The following RASA1 variants were observed in gnomAD, a reference collection of about 807,000 sequenced individuals.
RASA1 encodes the protein ras GTPase-activating protein 1.
A neutral mutation model predicts 132.2 loss-of-function variants in RASA1; 25 were observed. The observed-to-expected ratio is 0.19, with a 90% CI of 0.14 to 0.26. The LOEUF is 0.26. RASA1 is among the 10% of genes least tolerant of loss of function. The pLI, the probability that RASA1 is intolerant of heterozygous loss-of-function variation, is 1.00. For missense variants in RASA1, 964 were observed against 1,299.2 expected, an observed-to-expected ratio of 0.74 and a Z score of 3.97; for synonymous variants, 477 against 449.9, an observed-to-expected ratio of 1.06 and a Z score of -0.76.
Position 87,363,377 on chromosome 5 carries a change from T to G in RASA1, c.1483T>G (p.Phe495Val). ...GKGKRWKNLY[F>V]ILEGSDAQLI... ...AGGAAAACGTTGGAAAAATTTATATTTTATCTTAGAGGGTAGTGATGCCCA... is the reference window on the plus strand; with the variant it reads ...AGGAAAACGTTGGAAAAATTTATATGTTATCTTAGAGGGTAGTGATGCCCA... Residue 495 changes from phenylalanine to valine, a missense_variant, in exon 11 of 25, where the codon TTT becomes GTT. Physicochemically the swap from Phe to Val is conservative, Grantham distance 50. This residue lies in a region of RASA1 where 346 missense variants were observed against 520.1 expected (regional missense o/e 0.67). Transcript: ENST00000274376. 1 of 1,610,820 alleles carries G rather than the reference T, an allele frequency of 6.2e-7. No homozygotes were observed. Among genetic ancestry groups the G allele is most frequent in the Non-Finnish European group, 8.5e-7 (1 of 1,177,752 alleles).
chr5:87,347,420 T>G (rs891670926), intron 7 of RASA1, among the ~76,000 whole-genome samples: 8 of 152,026 alleles, frequency 5.3e-5, no homozygotes, highest in Non-Finnish European at 1.2e-4. Context: ...CTGAATTAAT[T>G]TAAATACCGA....
At chr5:87,295,479 A>G (rs1755078020) in intron 1 of RASA1, among the ~76,000 whole-genome samples, 1 of 150,266 alleles carries the variant, frequency 6.7e-6, no homozygotes, top group Non-Finnish European at 1.5e-5. Context: ...CTCATTTTTG[A>G]GCACACCAGT....
chr5:87,374,172 C>G lies in RASA1; in HGVS notation c.1786C>G (p.Leu596Val). The stretch of plus-strand genomic sequence containing the variant: ...ATTTTTTTTTTTTTAGGTCAGCAGC[C>G]TTGTTTTACATATTGAAGAAGCCCA... ...SNKRLRQVSSLVLHIEEAHKL... is the reference protein window; with the variant it reads ...SNKRLRQVSSVVLHIEEAHKL... The change falls in exon 14 of 25, where the codon CTT becomes GTT. Residue 596 changes from leucine to valine, a missense_variant. Coordinates refer to ENST00000274376, the MANE Select transcript of RASA1 (RefSeq NM_002890.3). The G allele has an allele frequency of 6.6e-7, 1 of 1,508,180 alleles. No homozygotes were observed. 93.4% of individuals were successfully genotyped at this position (1,508,180 alleles called of 1,614,324 possible). A position where few individuals can be genotyped will look rare whatever the true frequency, so the allele number is the denominator to read the frequency against.
intron 1 of RASA1, among the ~76,000 whole-genome samples, chr5:87,280,437 C>T (rs987956815): frequency 2.0e-5 from 3 of 152,182 alleles, no homozygotes; most frequent in African/African-American, 7.2e-5. Context: ...CTCAGCCTCC[C>T]AAGTAGCTAG....
At chr5:87,354,520 T>A (rs1302547252) in intron 9 of RASA1, among the ~76,000 whole-genome samples, 2 of 152,198 alleles carry the variant, frequency 1.3e-5, no homozygotes, top group Non-Finnish European at 2.9e-5. Context: ...GTGTATGTTC[T>A]GACTGCTTCA....
intron 16 of RASA1, 152 bp downstream of exon 16, chr5:87,376,717 G>C (rs548318611): frequency 8.3e-7 from 1 of 1,208,762 alleles, no homozygotes; most frequent in African/African-American, 1.5e-5. Flanking sequence ...TGTAATTTTG[G>C]TAGAAATAAG....
chr5:87,376,904 T>C lies in RASA1; in HGVS notation c.2208T>C (p.His736=), dbSNP rs756153877. The part of the protein sequence containing the change: ...FKELILQKEL[H]VVYALSHVCG... ...AGCTTATACTGCAAAAGGAACTTCA[T>C]GTAGTCTATGCTTTATCACATGTAT... Residue 736 remains histidine, a synonymous_variant, in exon 17 of 25, where the codon CAT becomes CAC. Coordinates refer to ENST00000274376, the MANE Select transcript of RASA1 (RefSeq NM_002890.3). 6.2e-7 allele frequency: 1 copy of C among 1,609,024 alleles called. No individual in the cohort carries two copies. Among genetic ancestry groups the C allele is most frequent in the Middle Eastern group, 1.7e-4 (1 of 6,048 alleles).
intron 1 of RASA1, among the ~76,000 whole-genome samples, chr5:87,277,906 T>G (rs968354434): frequency 6.6e-6 from 1 of 152,130 alleles, no homozygotes; most frequent in Non-Finnish European, 1.5e-5. Flanking sequence ...TATTATAGTG[T>G]GGAAAGATCC....
intron 12 of RASA1, among the ~76,000 whole-genome samples, chr5:87,370,934 A>G (rs779171681): frequency 5.3e-5 from 8 of 152,164 alleles, no homozygotes; most frequent in Non-Finnish European, 1.2e-4. Flanking sequence ...ATCTCATTTA[A>G]TGCTCATTTC....
At chr5:87,352,039 A>C (rs554345329) in intron 8 of RASA1, among the ~76,000 whole-genome samples, 7 of 151,388 alleles carry the variant, frequency 4.6e-5, no homozygotes, top group Admixed American at 1.3e-4. Context: ...CCTGATTTTC[A>C]TTTTTCTTTT....
chr5:87,361,628 CTGATA>C (rs1760097161), intron 9 of RASA1, among the ~76,000 whole-genome samples: 1 of 152,050 alleles, frequency 6.6e-6, no homozygotes, highest in South Asian at 2.1e-4. Context: ...TAAAGGCATC[CTGATA>C]TAATTCTTTT....
intron 1 of RASA1, among the ~76,000 whole-genome samples, chr5:87,303,545 T>C (rs574065707): frequency 6.6e-6 from 1 of 152,256 alleles, no homozygotes; most frequent in East Asian, 1.9e-4. Flanking sequence ...TTCACTAGCA[T>C]ATTGTGAAGA....
intron 19 of RASA1, 70 bp downstream of exon 19, chr5:87,379,920 C>G (rs1230466101): frequency 1.4e-6 from 2 of 1,458,880 alleles, no homozygotes; most frequent in Admixed American, 1.8e-5. Flanking sequence ...ATTTCTAAAA[C>G]GTGAAAGCTT....
intron 2 of RASA1, among the ~76,000 whole-genome samples, chr5:87,331,872 A>G (rs1757624418): frequency 6.6e-6 from 1 of 152,182 alleles, no homozygotes; most frequent in Non-Finnish European, 1.5e-5. Context: ...CCTTTATTTT[A>G]GCTTCACTAT....
chr5:87,290,396 A>G lies in RASA1; in HGVS notation c.539+21406A>G, dbSNP rs1291817463. 3.3e-5 allele frequency among the ~76,000 whole-genome samples: 5 copies of G among 152,208 alleles called. No individual in the cohort carries two copies. The East Asian group carries it at 7.7e-4, about 23-fold the overall frequency. On this transcript the variant is annotated intron_variant, in intron 1 of 24. Coordinates refer to ENST00000274376, the MANE Select transcript of RASA1 (RefSeq NM_002890.3). Reference sequence around the variant, plus strand: ...AGCTTTATGGCAAAATTGAGGGGAAAGTAGAGTTCCCATATTCCACCCCCT... The same window carrying G: ...AGCTTTATGGCAAAATTGAGGGGAAGGTAGAGTTCCCATATTCCACCCCCT...
At chr5:87,360,131 T>G (rs959722413) in intron 9 of RASA1, among the ~76,000 whole-genome samples, 19 of 151,710 alleles carry the variant, frequency 1.3e-4, no homozygotes, top group East Asian at 1.9e-4. Flanking sequence ...GCAGTTTTTT[T>G]TTTTTTTTTT....
chr5:87,376,218 A>C, intron 15 of RASA1, 175 bp from the exon 16 acceptor site: 1 of 715,094 alleles, frequency 1.4e-6, no homozygotes, highest in Non-Finnish European at 2.3e-6. Context: ...AGTTTAGTGC[A>C]CCGTAGACAC....
At chr5:87,345,059 G>A (rs1033783647) in intron 6 of RASA1, among the ~76,000 whole-genome samples, 3 of 151,616 alleles carry the variant, frequency 2.0e-5, no homozygotes, top group Middle Eastern at 3.2e-3. Flanking sequence ...GGCTGGTCTT[G>A]GACTCTTGGG....
At chr5:87,281,621 C>A (rs945559946) in intron 1 of RASA1, among the ~76,000 whole-genome samples, 11 of 151,830 alleles carry the variant, frequency 7.2e-5, no homozygotes, top group African/African-American at 2.7e-4. Context: ...TGTTCTGTTG[C>A]CCAGGCTGGA....
Sources: allele counts gnomAD v4.1 joint callset (sites outside exome capture counted in the v4.1 genomes callset), GRCh38; gene constraint gnomAD v4.1.1; regional missense constraint gnomAD v4.1.1; transcripts MANE v1.5; gene names NCBI Gene and HGNC (gene_info 2026-07-23, HGNC 2026-07-21).